The following MYH7 variants were observed in gnomAD, a reference collection of about 807,000 sequenced individuals.
The protein encoded by MYH7 is myosin-7.
MYH7 carries 129 observed loss-of-function variants against 225.4 expected under a neutral mutation model. The observed-to-expected ratio is 0.57, with a 90% CI of 0.50 to 0.66. The LOEUF is 0.66. MYH7 is among the 30% of genes least tolerant of loss of function. MYH7 has a pLI of 0.00. For missense variants in MYH7, 1,649 were observed against 2,517.0 expected, an observed-to-expected ratio of 0.66 and a Z score of 7.38; for synonymous variants, 971 against 1,007.6, an observed-to-expected ratio of 0.96 and a Z score of 0.69.
At position 23,432,784 on chromosome 14, in the gene MYH7, G is replaced by A. The variant is rs1462955373; in HGVS notation, c.357C>T (p.Gly119=). The change falls in exon 5 of 40, where the codon GGC becomes GGT. Residue 119 remains glycine, a synonymous_variant. Coordinates refer to ENST00000355349, the MANE Select transcript of MYH7 (RefSeq NM_000257.4). The part of the protein sequence containing the change: ...YGSWMIYTYS[G]LFCVTVNPYK... ...AAGGGTTGACGGTGACACAGAAGAG[G>A]CCCGAGTAGGTCTGGGGATAGAAAA... 6.2e-7 allele frequency: 1 copy of A among 1,614,202 alleles called. No individual in the cohort carries two copies. The highest frequency in any genetic ancestry group is 8.5e-7 in the Non-Finnish European group (1 of 1,180,038).
In MYH7 at chr14:23,425,479, G is replaced by T. The variant is rs1892658281; in HGVS notation, c.2287-61C>A. 1 of 1,612,520 alleles carries T rather than the reference G, an allele frequency of 6.2e-7. No homozygotes were observed. Among genetic ancestry groups the T allele is most frequent in the Non-Finnish European group, 8.5e-7 (1 of 1,179,530 alleles). On this transcript the variant is annotated intron_variant, in intron 20 of 39. Coordinates refer to ENST00000355349, the MANE Select transcript of MYH7 (RefSeq NM_000257.4). The surrounding 1 kb of genome is among the most constrained non-coding windows in gnomAD (Gnocchi z 4.6). ...GGGGTACGAGGGAAAGAGATGGTGG[G>T]GATTACCTTAGGAAGGGTAACAGCC...
chr14:23,422,632 CTTTT>C (rs33928947), intron 24 of MYH7, among the ~76,000 whole-genome samples: 3 of 116,106 alleles, frequency 2.6e-5, no homozygotes, highest in African/African-American at 6.6e-5. Flanking sequence ...TTCCTTCCTC[CTTTT>C]TTTTTTTTTT....
In MYH7 at chr14:23,430,590, A is replaced by G. The variant is rs730880861; in HGVS notation, c.969T>C (p.Ile323=). The G allele has an allele frequency of 6.2e-7, 1 of 1,614,034 alleles. No individual in the cohort carries two copies. The highest frequency in any genetic ancestry group is 1.1e-5 in the South Asian group (1 of 91,066). ...TGGCCATGAGCTCCTCAGCGTCATC[A>G]ATGGAGGCCACGGTGGTCTCTCCTT... The part of the protein sequence containing the change: ...ISQGETTVAS[I]DDAEELMATD... Residue 323 remains isoleucine, a synonymous_variant, in exon 11 of 40, where the codon ATT becomes ATC. Transcript: ENST00000355349.
Position 23,434,503 on chromosome 14 carries a change from C to T in MYH7, c.-64-254G>A, listed in dbSNP as rs1042584645. Among the ~76,000 whole-genome samples, 3 of 152,218 alleles carry T rather than the reference C, an allele frequency of 2.0e-5. No individual in the cohort carries two copies. The East Asian group carries it at 5.8e-4, about 29-fold the overall frequency. The stretch of plus-strand genomic sequence containing the variant: ...ATCCTCTTCACTCCTGCGAGATGGT[C>T]CCACCCCTGCCTGTACCCATCTAGT... On this transcript the variant is annotated intron_variant, in intron 1 of 39. Coordinates refer to ENST00000355349, the MANE Select transcript of MYH7 (RefSeq NM_000257.4).
At chr14:23,413,347 G>A (rs1349319157) in intron 39 of MYH7, among the ~76,000 whole-genome samples, 1 of 152,166 alleles carries the variant, frequency 6.6e-6, no homozygotes, top group Non-Finnish European at 1.5e-5. Context: ...GGGAGGCTGA[G>A]GCGAGTGGAT....
chr14:23,426,666 A>G, intron 18 of MYH7, 111 bp downstream of exon 18: 2 of 988,772 alleles, frequency 2.0e-6, no homozygotes, highest in South Asian at 1.3e-5. Context: ...TGGGAGGAGA[A>G]GAATGTGGTT....
Position 23,413,993 on chromosome 14 carries a change from G to C in MYH7, c.5655+14C>G. On this transcript the variant is annotated intron_variant, in intron 38 of 39. Transcript: ENST00000355349. Reference sequence around the variant, plus strand: ...ATGCCTCCCCTGGGCCTAGTCCCCAGCAGGGTCACTCACCGCCTCCTCGGC... The same window carrying C: ...ATGCCTCCCCTGGGCCTAGTCCCCACCAGGGTCACTCACCGCCTCCTCGGC... 1 of 1,614,134 alleles carries C rather than the reference G, an allele frequency of 6.2e-7. No homozygotes were observed. Among genetic ancestry groups the C allele is most frequent in the African/African-American group, 1.3e-5 (1 of 75,064 alleles).
At position 23,419,215 on chromosome 14, in the gene MYH7, G is replaced by C. The variant is rs886050419; in HGVS notation, c.3934C>G (p.Leu1312Val). The change falls in exon 29 of 40, where the codon CTG (leucine) becomes GTG (valine). Residue 1312 changes from leucine to valine, a missense_variant. Leu to Val is a conservative substitution (Grantham distance 32). This residue lies in a region of MYH7 where 687 missense variants were observed against 913.8 expected (regional missense o/e 0.75). Coordinates refer to ENST00000355349, the MANE Select transcript of MYH7 (RefSeq NM_000257.4). ...TCCAGCTGCCTCTTGAGGTCCTCCA[G>C]CTGCTGGGTGTAGGTGAGCTTGCCT... ...TRGKLTYTQQLEDLKRQLEEE... is the reference protein window; with the variant it reads ...TRGKLTYTQQVEDLKRQLEEE... 1.2e-6 allele frequency: 2 copies of C among 1,614,232 alleles called. No individual in the cohort carries two copies. Among genetic ancestry groups the C allele is most frequent in the South Asian group, 1.1e-5 (1 of 91,086 alleles).
intron 26 of MYH7, 132 bp from the exon 27 acceptor site, chr14:23,420,366 A>T: frequency 6.6e-7 from 1 of 1,517,908 alleles, no homozygotes; most frequent in Non-Finnish European, 8.8e-7. Context: ...TGGGAATTAA[A>T]GGATTTGGGG....
At chr14:23,431,073 G>A in intron 9 of MYH7, 74 bp from the exon 10 acceptor site, 1 of 1,125,990 alleles carries the variant, frequency 8.9e-7, no homozygotes, top group South Asian at 1.2e-5. Context: ...AATGATAAAT[G>A]TAGCAAGCAA....
At position 23,415,605 on chromosome 14, in the gene MYH7, G is replaced by A. The variant is rs918410728; in HGVS notation, c.5157+24C>T. On this transcript the variant is annotated intron_variant, in intron 35 of 39. Transcript: ENST00000355349. This position sits in a 1 kb window ranked among gnomAD's most constrained non-coding sequence, Gnocchi z 6.3. The stretch of plus-strand genomic sequence containing the variant: ...TGAGCCCCAGCCTGTGCTCCCTTCA[G>A]GAATGAGCAGGGGAGCTGCTCACCT... 6.2e-7 allele frequency: 1 copy of A among 1,613,552 alleles called. No homozygotes were observed. Among genetic ancestry groups the A allele is most frequent in the Non-Finnish European group, 8.5e-7 (1 of 1,180,026 alleles).
In MYH7 at chr14:23,427,748, G is replaced by A. The variant is rs1399862230; in HGVS notation, c.1725C>T (p.Ala575=). 6.2e-7 allele frequency: 1 copy of A among 1,614,162 alleles called. No individual in the cohort carries two copies. Residue 575 remains alanine, a synonymous_variant, in exon 16 of 40, where the codon GCC becomes GCT. Transcript: ENST00000355349. ...CGGCATAGTGGATCAGGGAGAAGTGGGCTTCAGGCTTCCCCTTGATATTGC... is the reference window on the plus strand; with the variant it reads ...CGGCATAGTGGATCAGGGAGAAGTGAGCTTCAGGCTTCCCCTTGATATTGC... ...KPRNIKGKPE[A]HFSLIHYAGI...
intron 39 of MYH7, among the ~76,000 whole-genome samples, chr14:23,413,448 T>C (rs1268726382): frequency 6.6e-6 from 1 of 151,908 alleles, no homozygotes; most frequent in African/African-American, 2.4e-5. Context: ...TGGTAGCACA[T>C]GCCTATAATC....
At position 23,433,316 on chromosome 14, in the gene MYH7, T is replaced by C; in HGVS notation, c.202-89A>G. ...TAGGAGTTGGTGAGTGACAGGGCAA[T>C]AGTGCTCAAGAGAGAAGGAACCAGG... On this transcript the variant is annotated intron_variant, in intron 3 of 39. Transcript: ENST00000355349. This position sits in a 1 kb window ranked among gnomAD's most constrained non-coding sequence, Gnocchi z 4.1. 3.1e-6 allele frequency: 5 copies of C among 1,587,426 alleles called. No individual in the cohort carries two copies. The highest frequency in any genetic ancestry group is 4.3e-6 in the Non-Finnish European group (5 of 1,160,438).
chr14:23,420,007 A>G lies in MYH7; in HGVS notation c.3564T>C (p.Thr1188=), dbSNP rs45587932. 359 of 1,591,628 alleles carry G rather than the reference A, an allele frequency of 2.3e-4. 3 individuals carry two copies. In the South Asian group the frequency reaches 2.3e-3, roughly 10 times the overall value. The change falls in exon 27 of 40, where the codon ACT becomes ACC. Residue 1188 remains threonine (T), a synonymous_variant. Coordinates refer to ENST00000355349, the MANE Select transcript of MYH7 (RefSeq NM_000257.4). The part of the protein sequence containing the change: ...LEEATLQHEA[T]AAALRKKHAD... ...CGTGCTTCTTGCGCAGGGCCGCGGC[A>G]GTGGCCTCGTGCTGCAGCGTGGCCT... is the stretch of plus-strand genomic sequence containing the variant.
chr14:23,431,765 C>T lies in MYH7; in HGVS notation c.635G>A (p.Gly212Asp), dbSNP rs876661175. The T allele has an allele frequency of 1.2e-6, 2 of 1,614,256 alleles. No homozygotes were observed. The highest frequency in any genetic ancestry group is 1.7e-6 in the Non-Finnish European group (2 of 1,180,050). ...GDRSKKDQSP[G>D]KGTLEDQIIQ... ...CTTGGAGGGCAGCAGGCCTACCTTGCCCGGGCTCTGGTCCTTCTTGCTGCG... is the reference window on the plus strand; with the variant it reads ...CTTGGAGGGCAGCAGGCCTACCTTGTCCGGGCTCTGGTCCTTCTTGCTGCG... The change falls in exon 7 of 40, where the codon GGC becomes GAC. Residue 212 changes from glycine to aspartate, a missense_variant. Coordinates refer to ENST00000355349, the MANE Select transcript of MYH7 (RefSeq NM_000257.4).
At chr14:23,420,864 T>G in intron 26 of MYH7, 94 bp downstream of exon 26, 1 of 935,980 alleles carries the variant, frequency 1.1e-6, no homozygotes. Context: ...AATCAGTTCC[T>G]GTAATGCTGT....
chr14:23,432,860 T>C lies in MYH7; in HGVS notation c.346-65A>G, dbSNP rs553193978. On this transcript the variant is annotated intron_variant, in intron 4 of 39. Coordinates refer to ENST00000355349, the MANE Select transcript of MYH7 (RefSeq NM_000257.4). ...GGGGGAGGGCTGGTGATTTTGGGAG[T>C]TAGAGAAAGATCCCAGGAGAGAAAG... 165 of 1,598,476 alleles carry C rather than the reference T, an allele frequency of 1.0e-4. 1 individual carries two copies. In the African/African-American group the frequency reaches 2.1e-3, roughly 20 times the overall value.
chr14:23,420,330 T>G (rs1435413024), intron 26 of MYH7, 96 bp from the exon 27 acceptor site: 2 of 1,542,480 alleles, frequency 1.3e-6, no homozygotes, highest in African/African-American at 1.4e-5. Flanking sequence ...GAACAGCAAG[T>G]CAGTTTAGCT....
Sources: gnomAD v4.1 joint callset for allele counts (sites outside exome capture counted in the v4.1 genomes callset) on GRCh38, gnomAD v4.1.1 for gene constraint, gnomAD v4.1.1 regional missense constraint, Gnocchi (gnomAD v3.1) non-coding constraint, MANE v1.5 for transcripts, NCBI Gene and HGNC (gene_info 2026-07-23, HGNC 2026-07-21) for gene names.